Variants in DNAAF4 observed in about 807,000 individuals in gnomAD.
DNAAF4 encodes dynein axonemal assembly factor 4.
A neutral mutation model predicts 51.8 loss-of-function variants in DNAAF4; 43 were observed. The ratio of observed to expected loss-of-function variants is 0.83; its 90% CI spans 0.65 to 1.07. The LOEUF (loss-of-function observed/expected upper bound fraction) is 1.07, where lower values mean the gene tolerates loss of function less well. Among genes scored for constraint, DNAAF4 ranks in the 50% least tolerant of loss-of-function variants. The pLI is 0.00. For synonymous variants in DNAAF4, 194 were observed against 165.6 expected, an observed-to-expected ratio of 1.17 and a Z score of -1.32; for missense variants, 581 against 493.0, an observed-to-expected ratio of 1.18 and a Z score of -1.69.
chr15:55,450,527 T>C (rs1567011900), intron 5 of DNAAF4, among the ~76,000 whole-genome samples, 160 bp from the exon 6 acceptor site: 1 of 152,210 alleles, frequency 6.6e-6, no homozygotes, highest in Non-Finnish European at 1.5e-5. Flanking sequence ...GCAATGATAA[T>C]ATAGCAGCTA....
downstream of DNAAF4, among the ~76,000 whole-genome samples, chr15:55,427,222 C>A (rs948188597): frequency 1.3e-5 from 2 of 152,058 alleles, no homozygotes; most frequent in Non-Finnish European, 2.9e-5. Context: ...CCCGCCACCA[C>A]ACCCGGCTGA....
chr15:55,490,737 A>C (rs996036342), intron 4 of DNAAF4, among the ~76,000 whole-genome samples: 3 of 152,112 alleles, frequency 2.0e-5, no homozygotes, highest in Non-Finnish European at 4.4e-5. Context: ...GCAGATCACG[A>C]GGTCAGGAGA....
Position 55,450,214 on chromosome 15 carries a change from A to G in DNAAF4, c.783+8T>C. 2 of 1,606,694 alleles carry G rather than the reference A, an allele frequency of 1.2e-6. No individual in the cohort carries two copies. Among genetic ancestry groups the G allele is most frequent in the Non-Finnish European group, 1.7e-6 (2 of 1,178,112 alleles). ...TGTGGTAATTGTAACTAGAGTAAGT[A>G]TATATACCTCCTCCTCTTCTGCTAC... is the stretch of plus-strand genomic sequence containing the variant. On this transcript the variant is annotated splice_region_variant and intron_variant, in intron 6 of 9. Coordinates refer to ENST00000321149, the MANE Select transcript of DNAAF4 (RefSeq NM_130810.4).
chr15:55,425,117 G>A (rs556462540), intron 7 of DNAAF4, among the ~76,000 whole-genome samples: 17 of 150,066 alleles, frequency 1.1e-4, no homozygotes, highest in Non-Finnish European at 1.6e-4. Context: ...CGCCCACCTC[G>A]GCCTCCCAAA....
At chr15:55,449,694 C>T (rs1396292937) in intron 6 of DNAAF4, among the ~76,000 whole-genome samples, 4 of 64,040 alleles carry the variant, frequency 6.2e-5, no homozygotes, top group African/African-American at 1.1e-4. Context: ...ACAAAAAGAC[C>T]GCTTTTTTTT....
rs73408888 is a variant in DNAAF4 at position 55,466,817 on chromosome 15, T to G, written c.637+113A>C. On this transcript the variant is annotated intron_variant, in intron 5 of 9. Transcript: ENST00000321149. The stretch of plus-strand genomic sequence containing the variant: ...AGTCTTTGTACTGAATTGCTTATTC[T>G]CAATGTGCCAAAACAGTAACCTAAT... 2,025 of 1,329,450 alleles carry G rather than the reference T, an allele frequency of 1.5e-3. 31 individuals are homozygous for G. In the African/African-American group the frequency reaches 0.028, roughly 18 times the overall value. The allele number at this position is 1,329,450 out of a possible 1,614,324, so 82.4% of individuals were successfully genotyped here. A position where few individuals can be genotyped will look rare whatever the true frequency, so the allele number is the denominator to read the frequency against.
chr15:55,474,266 T>C (rs1451791109), intron 4 of DNAAF4, among the ~76,000 whole-genome samples: 1 of 152,220 alleles, frequency 6.6e-6, no homozygotes, highest in Non-Finnish European at 1.5e-5. Flanking sequence ...CTGGGCGCGA[T>C]GGCTCACGCC....
chr15:55,424,668 T>A (rs2057414992), intron 7 of DNAAF4, among the ~76,000 whole-genome samples: 1 of 152,190 alleles, frequency 6.6e-6, no homozygotes, highest in Admixed American at 6.5e-5. Flanking sequence ...GTTCAAGCGA[T>A]TCTCCTGCCT....
chr15:55,438,738 T>C (rs1482744856), intron 7 of DNAAF4, among the ~76,000 whole-genome samples: 6 of 151,338 alleles, frequency 4.0e-5, no homozygotes, highest in Admixed American at 6.6e-5. Flanking sequence ...TGAGCTGAGA[T>C]TGCACCACTA....
At chr15:55,459,368 C>T in intron 5 of DNAAF4, among the ~76,000 whole-genome samples, 1 of 151,954 alleles carries the variant, frequency 6.6e-6, no homozygotes, top group Admixed American at 6.6e-5. Context: ...AATATTGAAA[C>T]AAAACCTCAA....
chr15:55,484,783 G>A lies in DNAAF4; in HGVS notation c.405+6340C>T, dbSNP rs552551975. ...CTGAAGAACTTGAAGTCCCATGTTC[G>A]AGGGCAGGAAACACCCAGCACGAGC... On this transcript the variant is annotated intron_variant, in intron 4 of 9. Coordinates refer to ENST00000321149, the MANE Select transcript of DNAAF4 (RefSeq NM_130810.4). 2.6e-5 allele frequency among the ~76,000 whole-genome samples: 4 copies of A among 152,230 alleles called. No homozygotes were observed. The South Asian group carries it at 8.3e-4, about 32-fold the overall frequency.
chr15:55,473,208 T>C (rs1162954236), intron 4 of DNAAF4, among the ~76,000 whole-genome samples: 3 of 118,812 alleles, frequency 2.5e-5, no homozygotes, highest in Non-Finnish European at 1.8e-5. Flanking sequence ...AATATATATA[T>C]ATATATATAT....
intron 3 of DNAAF4, among the ~76,000 whole-genome samples, chr15:55,494,292 G>A (rs1347663730): frequency 6.6e-6 from 1 of 152,212 alleles, no homozygotes; most frequent in Non-Finnish European, 1.5e-5. Context: ...GCCTACCAAA[G>A]TGCTGGGATT....
chr15:55,477,878 C>A (rs1481902914), intron 4 of DNAAF4, among the ~76,000 whole-genome samples: 1 of 146,350 alleles, frequency 6.8e-6, no homozygotes, highest in Non-Finnish European at 1.5e-5. Context: ...TCCATCTGGC[C>A]AACATGGTGA....
Position 55,450,260 on chromosome 15 carries a change from T to A in DNAAF4, c.745A>T (p.Thr249Ser). The change falls in exon 6 of 10, where the codon ACA becomes TCA. Residue 249 changes from threonine (T) to serine (S), a missense_variant. By Grantham distance (58) the Thr-to-Ser change is moderately conservative. Coordinates refer to ENST00000321149, the MANE Select transcript of DNAAF4 (RefSeq NM_130810.4). ...KINFTPRVFP[T>S]ALRESQVAEE... ...GCTACTTGTGATTCACGAAGAGCTG[T>A]TGGGAATACTCGAGGGGTAAAGTTG... 6.2e-7 allele frequency: 1 copy of A among 1,613,978 alleles called. No individual in the cohort carries two copies.
At chr15:55,502,383 G>C (rs2058704131) in intron 1 of DNAAF4, among the ~76,000 whole-genome samples, 1 of 151,878 alleles carries the variant, frequency 6.6e-6, no homozygotes, top group Non-Finnish European at 1.5e-5. Flanking sequence ...TAAGCTGAAG[G>C]AATTGCAGCT....
chr15:55,487,560 T>C (rs954068630), intron 4 of DNAAF4, among the ~76,000 whole-genome samples: 2 of 152,152 alleles, frequency 1.3e-5, no homozygotes, highest in African/African-American at 2.4e-5. Flanking sequence ...TTGCTGCTGC[T>C]CACTCTTCGG....
At chr15:55,465,107 T>C (rs958141738) in intron 5 of DNAAF4, among the ~76,000 whole-genome samples, 3 of 152,120 alleles carry the variant, frequency 2.0e-5, no homozygotes, top group Non-Finnish European at 4.4e-5. Flanking sequence ...AAATAACAGA[T>C]GTTGGTGTAG....
intron 1 of DNAAF4, among the ~76,000 whole-genome samples, chr15:55,500,348 G>A (rs1016766322): frequency 6.6e-6 from 1 of 151,776 alleles, no homozygotes; most frequent in African/African-American, 2.4e-5. Context: ...AGAAACCCAC[G>A]AATCCCATGG....
Sources: gnomAD v4.1 joint callset for allele counts (sites outside exome capture counted in the v4.1 genomes callset) on GRCh38, gnomAD v4.1.1 for gene constraint, MANE v1.5 for transcripts, NCBI Gene and HGNC (gene_info 2026-07-23, HGNC 2026-07-21) for gene names.